Variants in ERBB4 observed in about 807,000 individuals in gnomAD.
The protein encoded by ERBB4 is receptor tyrosine-protein kinase erbB-4.
ERBB4 carries 42 observed loss-of-function variants against 158.0 expected under a neutral mutation model. That is an observed-to-expected ratio of 0.27 (90% CI 0.21 to 0.34). The LOEUF is 0.34. Ranked by LOEUF, ERBB4 falls within the 10% of genes least tolerant of loss-of-function variation. The pLI is 1.00. For missense variants in ERBB4, 1,333 were observed against 1,624.1 expected (o/e 0.82, Z 3.08); for synonymous variants, 583 against 558.7 (o/e 1.04, Z -0.61).
At chr2:211,698,584 A>G (rs986810578) in intron 12 of ERBB4, among the ~76,000 whole-genome samples, 2 of 151,788 alleles carry the variant, frequency 1.3e-5, no homozygotes, top group Admixed American at 6.6e-5. Context: ...TGAGAAAGGT[A>G]CTATTAAAAT....
Position 211,383,242 on chromosome 2 carries a change from T to TA in ERBB4, c.*372dup, listed in dbSNP as rs878944435. ...GCATGGGTGTTTCAACCATCTGCTT[T>TA]AAAAAAAAAAAAAAAAAAGAAGAGG... On this transcript the variant is annotated 3_prime_UTR_variant, in exon 28 of 28. Transcript: ENST00000342788. The TA allele has an allele frequency of 0.045, 9,793 of 216,112 alleles. 243 individuals are homozygous for TA. Among genetic ancestry groups the TA allele is most frequent in the African/African-American group, 0.12 (4,257 of 34,232 alleles). The allele number at this position is 216,112 out of a possible 1,614,324, so 13.4% of individuals were successfully genotyped here. A position where few individuals can be genotyped will look rare whatever the true frequency, so the allele number is the denominator to read the frequency against.
intron 4 of ERBB4, among the ~76,000 whole-genome samples, chr2:211,772,902 T>TAC (rs1298027706): frequency 1.8e-5 from 1 of 54,876 alleles, no homozygotes; most frequent in Non-Finnish European, 3.8e-5. Context: ...CACACACATA[T>TAC]ATATATACAC....
intron 1 of ERBB4, among the ~76,000 whole-genome samples, chr2:212,294,919 G>T (rs947315103): frequency 8.6e-5 from 13 of 152,034 alleles, no homozygotes; most frequent in African/African-American, 3.1e-4. Flanking sequence ...ACTTCCATAT[G>T]CCCTGAGGGC....
At chr2:211,545,450 G>A (rs2066918018) in intron 20 of ERBB4, among the ~76,000 whole-genome samples, 1 of 151,940 alleles carries the variant, frequency 6.6e-6, no homozygotes, top group African/African-American at 2.4e-5. Context: ...TGAAAGCTTT[G>A]TAAATTCTAC....
chr2:211,858,031 G>A (rs2077915680), intron 3 of ERBB4, among the ~76,000 whole-genome samples: 1 of 152,184 alleles, frequency 6.6e-6, no homozygotes, highest in Non-Finnish European at 1.5e-5. Context: ...TTGAAAGCAT[G>A]CATATGTTTC....
intron 1 of ERBB4, among the ~76,000 whole-genome samples, chr2:212,138,224 G>A (rs1029845876): frequency 5.9e-5 from 9 of 151,970 alleles, no homozygotes; most frequent in South Asian, 2.1e-4. Context: ...AGCCCTTCTC[G>A]CCTACCACAC....
In ERBB4 at chr2:212,170,989, T is replaced by C. The variant is rs375240301; in HGVS notation, c.83-46086A>G. ...CACCATCCTCCAGGCCCAAGAATGATAGATCCACCAACAGCTTGCACTGTG... is the reference window on the plus strand; with the variant it reads ...CACCATCCTCCAGGCCCAAGAATGACAGATCCACCAACAGCTTGCACTGTG... On this transcript the variant is annotated intron_variant, in intron 1 of 27. Coordinates refer to ENST00000342788, the MANE Select transcript of ERBB4 (RefSeq NM_005235.3). 8.5e-5 allele frequency among the ~76,000 whole-genome samples: 13 copies of C among 152,138 alleles called. No homozygotes were observed. In the East Asian group the frequency reaches 2.3e-3, roughly 27 times the overall value.
intron 4 of ERBB4, among the ~76,000 whole-genome samples, chr2:211,781,380 T>C (rs1212004664): frequency 2.0e-5 from 3 of 152,200 alleles, no homozygotes; most frequent in Admixed American, 2.0e-4. Context: ...TATCTATGAA[T>C]TTGCCAATTC....
At chr2:211,699,364 G>T (rs1367934066) in intron 12 of ERBB4, among the ~76,000 whole-genome samples, 1 of 152,062 alleles carries the variant, frequency 6.6e-6, no homozygotes, top group Non-Finnish European at 1.5e-5. Context: ...ATCTAAAAAT[G>T]AAACATTTAC....
chr2:212,174,224 T>C (rs1475048509), intron 1 of ERBB4, among the ~76,000 whole-genome samples: 1 of 152,138 alleles, frequency 6.6e-6, no homozygotes, highest in Non-Finnish European at 1.5e-5. Flanking sequence ...TCATACTCTC[T>C]ACATTTATGA....
intron 3 of ERBB4, among the ~76,000 whole-genome samples, chr2:211,812,366 A>G (rs141181653): frequency 0.012 from 1,895 of 152,282 alleles, 34 homozygotes; most frequent in African/African-American, 0.043. Context: ...GGAACAGCAA[A>G]TATTGCAGAA....
intron 19 of ERBB4, among the ~76,000 whole-genome samples, chr2:211,584,535 G>C (rs2068205610): frequency 6.6e-6 from 1 of 152,026 alleles, no homozygotes; most frequent in African/African-American, 2.4e-5. Flanking sequence ...CGTGAAAAGA[G>C]TGTGATATAT....
intron 1 of ERBB4, among the ~76,000 whole-genome samples, chr2:212,537,748 C>CTTTTT (rs10639453): frequency 7.0e-6 from 1 of 143,582 alleles, no homozygotes; most frequent in Non-Finnish European, 1.5e-5. Flanking sequence ...TGTGCCAAGC[C>CTTTTT]TTTTTTTTTT....
At chr2:212,116,375 A>G (rs899696111) in intron 2 of ERBB4, among the ~76,000 whole-genome samples, 1 of 152,078 alleles carries the variant, frequency 6.6e-6, no homozygotes, top group African/African-American at 2.4e-5. Flanking sequence ...CATAGATACC[A>G]TTTTATTTAT....
chr2:211,383,675 G>T lies in ERBB4; in HGVS notation c.3867C>A (p.Ser1289=), dbSNP rs780037474. ...AENPEYLSEF[S]LKPGTVLPPP... is the part of the protein sequence containing the mutation. Reference sequence around the variant, plus strand: ...GCGGCAGCACAGTGCCTGGCTTCAGGGAGAACTCAGAGAGGTATTCAGGAT... The same window carrying T: ...GCGGCAGCACAGTGCCTGGCTTCAGTGAGAACTCAGAGAGGTATTCAGGAT... The change falls in exon 28 of 28, where the codon TCC becomes TCA. Residue 1289 remains serine, a synonymous_variant. Coordinates refer to ENST00000342788, the MANE Select transcript of ERBB4 (RefSeq NM_005235.3). 1 of 1,613,960 alleles carries T rather than the reference G, an allele frequency of 6.2e-7. No homozygotes were observed. Among genetic ancestry groups the T allele is most frequent in the Admixed American group, 1.7e-5 (1 of 60,002 alleles).
At chr2:212,076,295 T>G (rs17343932) in intron 2 of ERBB4, among the ~76,000 whole-genome samples, 21,898 of 151,852 alleles carry the variant, frequency 0.14, 1,959 homozygotes, top group Non-Finnish European at 0.2. Context: ...TATTTGACAA[T>G]TATCTTCCAT....
intron 21 of ERBB4, among the ~76,000 whole-genome samples, chr2:211,430,159 A>G (rs1238142812): frequency 6.6e-6 from 1 of 152,180 alleles, no homozygotes; most frequent in Non-Finnish European, 1.5e-5. Context: ...TATAATAAAT[A>G]TATTTATATG....
intron 2 of ERBB4, among the ~76,000 whole-genome samples, chr2:212,020,771 C>T (rs2076631149): frequency 6.6e-6 from 1 of 152,100 alleles, no homozygotes; most frequent in South Asian, 2.1e-4. Flanking sequence ...GTTAATAATT[C>T]AGATCATTCA....
chr2:212,196,725 C>T lies in ERBB4; in HGVS notation c.83-71822G>A, dbSNP rs558155232. ...AATTTAAGCGATTCCTTTGACTATA[C>T]CTTAAATGAAATAGTATGGTTTCAT... On this transcript the variant is annotated intron_variant, in intron 1 of 27. Transcript: ENST00000342788. Among the ~76,000 whole-genome samples, 23 of 152,162 alleles carry T rather than the reference C, an allele frequency of 1.5e-4. No individual in the cohort carries two copies. The South Asian group carries it at 3.7e-3, about 25-fold the overall frequency.
Sources: gnomAD v4.1 joint callset for allele counts (sites outside exome capture counted in the v4.1 genomes callset) on GRCh38, gnomAD v4.1.1 for gene constraint, MANE v1.5 for transcripts, NCBI Gene and HGNC (gene_info 2026-07-23, HGNC 2026-07-21) for gene names.